The following EYA4 variants were observed in gnomAD, a reference collection of about 807,000 sequenced individuals.
The protein encoded by EYA4 is protein phosphatase EYA4.
In EYA4, 31 loss-of-function variants were observed where a neutral mutation model predicts 87.9. That is an observed-to-expected ratio of 0.35 (90% CI 0.27 to 0.48). EYA4 has a LOEUF of 0.48. Ranked by LOEUF, EYA4 falls within the 20% of genes least tolerant of loss-of-function variation. EYA4 has a pLI of 0.99. For synonymous variants in EYA4, 263 were observed against 270.6 expected, an observed-to-expected ratio of 0.97 and a Z score of 0.28; for missense variants, 678 against 761.4, an observed-to-expected ratio of 0.89 and a Z score of 1.29.
At chr6:133,264,734 A>G (rs766692569) in intron 1 of EYA4, among the ~76,000 whole-genome samples, 8 of 152,200 alleles carry the variant, frequency 5.3e-5, no homozygotes, top group Admixed American at 1.3e-4. Flanking sequence ...ATTCCGCGGC[A>G]GCCTGGTGTG....
At chr6:133,431,698 T>A (rs1356901277) in intron 3 of EYA4, among the ~76,000 whole-genome samples, 1 of 152,234 alleles carries the variant, frequency 6.6e-6, no homozygotes, top group Non-Finnish European at 1.5e-5. Context: ...TATAACATTC[T>A]GTTGTAAAGA....
intron 2 of EYA4, among the ~76,000 whole-genome samples, chr6:133,301,175 A>T (rs1336087443): frequency 6.6e-6 from 1 of 152,238 alleles, no homozygotes; most frequent in Non-Finnish European, 1.5e-5. Context: ...TATTATAATC[A>T]TAAGAGTATA....
intron 2 of EYA4, among the ~76,000 whole-genome samples, chr6:133,318,751 C>A (rs1369045064): frequency 6.6e-6 from 1 of 151,962 alleles, no homozygotes; most frequent in African/African-American, 2.4e-5. Context: ...ACACATATCA[C>A]TCGTATTTAT....
chr6:133,301,946 G>A (rs1265645889), intron 2 of EYA4, among the ~76,000 whole-genome samples: 1 of 152,198 alleles, frequency 6.6e-6, no homozygotes, highest in African/African-American at 2.4e-5. Context: ...ACATCTGCCT[G>A]GGACGAAGAG....
chr6:133,405,442 C>T (rs948979105), intron 3 of EYA4, among the ~76,000 whole-genome samples: 1 of 152,152 alleles, frequency 6.6e-6, no homozygotes, highest in South Asian at 2.1e-4. Context: ...CATCTACTAA[C>T]TTCTTTATTC....
At chr6:133,398,356 G>T (rs1311317717) in intron 3 of EYA4, among the ~76,000 whole-genome samples, 1 of 152,032 alleles carries the variant, frequency 6.6e-6, no homozygotes, top group Non-Finnish European at 1.5e-5. Context: ...TTTCTTATGG[G>T]GGAAAGAATT....
At chr6:133,462,136 T>C in intron 7 of EYA4, 199 bp from the exon 8 acceptor site, 2 of 637,256 alleles carry the variant, frequency 3.1e-6, no homozygotes, top group East Asian at 2.8e-5. Context: ...TTAAATCATT[T>C]GTCTATGGTC....
At chr6:133,414,456 C>T (rs76327434) in intron 3 of EYA4, among the ~76,000 whole-genome samples, 8,354 of 152,162 alleles carry the variant, frequency 0.055, 689 homozygotes, top group African/African-American at 0.17. Flanking sequence ...TTGATGTTAC[C>T]TTTACTAGAC....
chr6:133,529,204 G>A lies in EYA4; in HGVS notation c.*399G>A. The stretch of plus-strand genomic sequence containing the variant: ...CTTCTCAGCCCTGAGGTTTGAATCT[G>A]ACTTTAGCCTACCTAACCCAGAAAA... On this transcript the variant is annotated 3_prime_UTR_variant, in exon 20 of 20. Coordinates refer to ENST00000355286, the MANE Select transcript of EYA4 (RefSeq NM_004100.5). 8.7e-7 allele frequency: 1 copy of A among 1,144,092 alleles called. No individual in the cohort carries two copies. Among genetic ancestry groups the A allele is most frequent in the Non-Finnish European group, 1.1e-6 (1 of 922,804 alleles). The allele number at this position is 1,144,092 out of a possible 1,614,324, so 70.9% of individuals were successfully genotyped here.
At chr6:133,522,026 T>G in intron 17 of EYA4, among the ~76,000 whole-genome samples, 3 of 132,316 alleles carry the variant, frequency 2.3e-5, no homozygotes, top group African/African-American at 5.5e-5. Flanking sequence ...GATGACGAGT[T>G]AGTGGGTGCA....
At chr6:133,420,383 G>A (rs536594712) in intron 3 of EYA4, among the ~76,000 whole-genome samples, 1 of 152,284 alleles carries the variant, frequency 6.6e-6, no homozygotes, top group Admixed American at 6.5e-5. Flanking sequence ...TGTTGCATTT[G>A]CATACAACTT....
chr6:133,285,738 G>A (rs953908370), intron 2 of EYA4, among the ~76,000 whole-genome samples: 9 of 152,178 alleles, frequency 5.9e-5, no homozygotes, highest in African/African-American at 2.2e-4. Flanking sequence ...TAGCATTGGA[G>A]GTAGTAAGTC....
At chr6:133,380,449 TA>T (rs1340531205) in intron 2 of EYA4, among the ~76,000 whole-genome samples, 1 of 152,144 alleles carries the variant, frequency 6.6e-6, no homozygotes, top group East Asian at 1.9e-4. Context: ...TGTTAAAGAC[TA>T]AAAAAAGTTA....
intron 3 of EYA4, among the ~76,000 whole-genome samples, chr6:133,390,734 A>T (rs1787188623): frequency 6.6e-6 from 1 of 152,088 alleles, no homozygotes; most frequent in Admixed American, 6.6e-5. Flanking sequence ...GTATGTGTGA[A>T]CTCTGTGGCC....
chr6:133,330,911 T>G (rs1009411958), intron 2 of EYA4, among the ~76,000 whole-genome samples: 3 of 152,074 alleles, frequency 2.0e-5, no homozygotes, highest in Non-Finnish European at 4.4e-5. Flanking sequence ...TGATTTATGT[T>G]GGCTGTTGGC....
At chr6:133,432,009 C>T (rs2128587550) in intron 3 of EYA4, among the ~76,000 whole-genome samples, 1 of 150,646 alleles carries the variant, frequency 6.6e-6, no homozygotes, top group Admixed American at 6.6e-5. Flanking sequence ...CATTATTCCA[C>T]CCCCGCCCCC....
intron 3 of EYA4, 31 bp from the exon 4 acceptor site, chr6:133,446,599 A>T: frequency 6.2e-7 from 1 of 1,613,508 alleles, no homozygotes; most frequent in Non-Finnish European, 8.5e-7. Flanking sequence ...CTGCAATTTC[A>T]ACTTTTCTCT....
At chr6:133,415,024 A>G (rs969138675) in intron 3 of EYA4, among the ~76,000 whole-genome samples, 8 of 152,124 alleles carry the variant, frequency 5.3e-5, no homozygotes, top group African/African-American at 1.9e-4. Context: ...AATTTGGTAA[A>G]TCTTATTGTC....
chr6:133,529,001 G>GTCT lies in EYA4; in HGVS notation c.*198_*200dup. 1 of 1,402,082 alleles carries GTCT rather than the reference G, an allele frequency of 7.1e-7. No homozygotes were observed. The highest frequency in any genetic ancestry group is 9.3e-7 in the Non-Finnish European group (1 of 1,078,384). 86.9% of individuals were successfully genotyped at this position (1,402,082 alleles called of 1,614,324 possible). On this transcript the variant is annotated 3_prime_UTR_variant, in exon 20 of 20. Coordinates refer to ENST00000355286, the MANE Select transcript of EYA4 (RefSeq NM_004100.5). ...AGTGCTACAGAAAAGAAACTCTATG[G>GTCT]TCTTATATTTACAACACTTTAATGG...
Sources: allele counts gnomAD v4.1 joint callset (sites outside exome capture counted in the v4.1 genomes callset), GRCh38; gene constraint gnomAD v4.1.1; transcripts MANE v1.5; gene names NCBI Gene and HGNC (gene_info 2026-07-23, HGNC 2026-07-21).